The following FAM131B variants were observed in gnomAD, a reference collection of about 807,000 sequenced individuals.
FAM131B encodes family with sequence similarity 131 member B, also known as protein FAM131B.
Under a neutral mutation model 42.0 loss-of-function variants are expected in FAM131B, and 19 were observed. The ratio of observed to expected loss-of-function variants is 0.45; its 90% CI spans 0.32 to 0.66. The LOEUF (loss-of-function observed/expected upper bound fraction) is 0.66, where lower values mean the gene tolerates loss of function less well. FAM131B is among the 30% of genes least tolerant of loss of function. FAM131B has a pLI of 0.05. For synonymous variants in FAM131B, 183 were observed against 177.6 expected, an observed-to-expected ratio of 1.03 and a Z score of -0.24; for missense variants, 370 against 468.4, an observed-to-expected ratio of 0.79 and a Z score of 1.94.
the FAM131B span, among the ~76,000 whole-genome samples, chr7:143,372,713 C>G: frequency 6.6e-6 from 1 of 152,170 alleles, no homozygotes; most frequent in Admixed American, 6.5e-5. Flanking sequence ...AATCCCAGCA[C>G]TTTGGGAGGC....
chr7:143,373,008 A>T, the FAM131B span, among the ~76,000 whole-genome samples: 1 of 152,072 alleles, frequency 6.6e-6, no homozygotes, highest in Non-Finnish European at 1.5e-5. Flanking sequence ...AAATAATTTT[A>T]AAAATAGTGG....
chr7:143,365,993 CTT>C (rs1804173426), upstream of FAM131B, among the ~76,000 whole-genome samples: 1 of 152,214 alleles, frequency 6.6e-6, no homozygotes, highest in African/African-American at 2.4e-5. Flanking sequence ...CTCAAGCAAT[CTT>C]CCTGCCACAG....
upstream of FAM131B, among the ~76,000 whole-genome samples, chr7:143,365,451 T>C (rs990237783): frequency 6.6e-6 from 1 of 152,218 alleles, no homozygotes; most frequent in Non-Finnish European, 1.5e-5. Context: ...ATTTAAAGAA[T>C]AGAGTTTTCA....
chr7:143,360,334 A>C, intron 1 of FAM131B, 185 bp from the exon 2 acceptor site: 1 of 1,429,912 alleles, frequency 7.0e-7, no homozygotes, highest in Non-Finnish European at 9.1e-7. Context: ...TTTTAGCTCA[A>C]CCCAGAATAG....
At chr7:143,380,158 G>A in the FAM131B span, 83 of 984,912 alleles carry the variant, frequency 8.4e-5, no homozygotes, top group Non-Finnish European at 9.4e-5. This position sits in a 1 kb window ranked among gnomAD's most constrained non-coding sequence, Gnocchi z 5.0. Context: ...TACTGGACTA[G>A]CGGGCGAAAG....
At chr7:143,368,795 A>G in the FAM131B span, among the ~76,000 whole-genome samples, 2 of 152,126 alleles carry the variant, frequency 1.3e-5, no homozygotes, top group Non-Finnish European at 2.9e-5. Flanking sequence ...ATATCCTGCA[A>G]CTTCAGCTTG....
the FAM131B span, chr7:143,379,888 G>T: frequency 4.9e-6 from 1 of 202,588 alleles, no homozygotes; most frequent in Non-Finnish European, 8.8e-6. Flanking sequence ...AAGGCAACCA[G>T]ATCTGACACC....
At chr7:143,370,076 T>C in the FAM131B span, among the ~76,000 whole-genome samples, 4 of 152,222 alleles carry the variant, frequency 2.6e-5, no homozygotes, top group South Asian at 8.3e-4. Flanking sequence ...TTCATGTATA[T>C]GCATGAGGTG....
the FAM131B span, chr7:143,380,581 G>C: frequency 3.0e-6 from 3 of 984,720 alleles, no homozygotes; most frequent in African/African-American, 5.2e-5. This position sits in a 1 kb window ranked among gnomAD's most constrained non-coding sequence, Gnocchi z 5.0. Flanking sequence ...TCCCGGCCCC[G>C]CGGACCCGAA....
rs1032288978 is a variant in FAM131B, at chr7:143,356,961, G to A, written c.672C>T (p.Tyr224=). Residue 224 remains tyrosine (Y), a synonymous_variant, in exon 7 of 7, where the codon TAC becomes TAT. Transcript: ENST00000443739. The surrounding 1 kb of genome is among the most constrained non-coding windows in gnomAD (Gnocchi z 4.4). The part of the protein sequence containing the change: ...WPHSYVSQGM[Y]CLGSSDAWEA... ...CCCAGGCATCTGACGACCCCAGACAGTACATACCCTGGGACACGTAAGAGT... is the reference window on the plus strand; with the variant it reads ...CCCAGGCATCTGACGACCCCAGACAATACATACCCTGGGACACGTAAGAGT... The A allele has an allele frequency of 1.2e-6, 2 of 1,613,940 alleles. No homozygotes were observed. The highest frequency in any genetic ancestry group is 2.7e-5 in the African/African-American group (2 of 74,928).
the FAM131B span, chr7:143,380,814 T>G: frequency 1.0e-6 from 1 of 979,368 alleles, no homozygotes; most frequent in Non-Finnish European, 1.2e-6. The surrounding 1 kb of genome is among the most constrained non-coding windows in gnomAD (Gnocchi z 5.0). Flanking sequence ...GCTCCATACG[T>G]TCGGCCACCC....
the FAM131B span, among the ~76,000 whole-genome samples, chr7:143,373,149 G>A: frequency 6.6e-6 from 1 of 152,104 alleles, no homozygotes; most frequent in East Asian, 1.9e-4. Context: ...TTGGGAAGCT[G>A]AGGCAGGTGG....
intron 6 of FAM131B, 111 bp from the exon 7 acceptor site, chr7:143,357,133 G>C: frequency 8.9e-7 from 1 of 1,123,368 alleles, no homozygotes; most frequent in Admixed American, 1.8e-5. Flanking sequence ...CTGGCAGTAA[G>C]ACACAGAGTG....
Position 143,360,662 on chromosome 7 carries a change from C to T in FAM131B, c.29-513G>A, listed in dbSNP as rs181173004. Reference sequence around the variant, plus strand: ...TTGGATAGCAAGGAGTTGGGTGTGTCCTCCCAAAAACAGTGAGCAGAGAAA... The same window carrying T: ...TTGGATAGCAAGGAGTTGGGTGTGTTCTCCCAAAAACAGTGAGCAGAGAAA... On this transcript the variant is annotated intron_variant, in intron 1 of 6. Transcript: ENST00000443739. 5.0e-3 allele frequency: 777 copies of T among 155,558 alleles called. 6 individuals carry two copies. The highest frequency in any genetic ancestry group is 0.01 in the Middle Eastern group (3 of 300). 9.6% of individuals were successfully genotyped at this position (155,558 alleles called of 1,614,324 possible).
the FAM131B span, chr7:143,381,518 G>T: frequency 4.4e-4 from 685 of 1,567,514 alleles, no homozygotes; most frequent in Non-Finnish European, 5.6e-4. Flanking sequence ...GGGCTCCTGA[G>T]CCCGGCTCCG....
At chr7:143,367,706 AAAAG>A (rs111907719), upstream of FAM131B, among the ~76,000 whole-genome samples, 3 of 150,696 alleles carry the variant, frequency 2.0e-5, no homozygotes, top group African/African-American at 7.4e-5. Flanking sequence ...CTCCATCTCA[AAAAG>A]AAAGAAAGAA....
chr7:143,360,174 C>A, intron 1 of FAM131B, 25 bp from the exon 2 acceptor site: 1 of 1,584,094 alleles, frequency 6.3e-7, no homozygotes, highest in Middle Eastern at 1.7e-4. Context: ...AGGTTAGCCG[C>A]CGGCCCTCAC....
chr7:143,381,067 A>T, the FAM131B span: 2 of 372,302 alleles, frequency 5.4e-6, no homozygotes, highest in East Asian at 1.8e-4. Flanking sequence ...GCCTGTGCTC[A>T]GGGAGTGGGG....
In FAM131B at chr7:143,362,273, G is replaced by A. The variant is rs983748984; in HGVS notation, c.28+303C>T. ...GGAGGGGCAGGGATGAGGGGACCGA[G>A]CGTCGGGCCGAGAGGCAGAGGAGAG... On this transcript the variant is annotated intron_variant, in intron 1 of 6. Coordinates refer to ENST00000443739, the MANE Select transcript of FAM131B (RefSeq NM_001031690.3). The surrounding 1 kb of genome is among the most constrained non-coding windows in gnomAD (Gnocchi z 7.7). 6.6e-5 allele frequency among the ~76,000 whole-genome samples: 10 copies of A among 152,120 alleles called. No homozygotes were observed. The highest frequency in any genetic ancestry group is 1.2e-4 in the Non-Finnish European group (8 of 68,024).
Sources: gnomAD v4.1 joint callset for allele counts (sites outside exome capture counted in the v4.1 genomes callset) on GRCh38, gnomAD v4.1.1 for gene constraint, Gnocchi (gnomAD v3.1) non-coding constraint, MANE v1.5 for transcripts, NCBI Gene and HGNC (gene_info 2026-07-23, HGNC 2026-07-21) for gene names.